Variants in NANS observed in about 807,000 individuals in gnomAD.
NANS encodes N-acetylneuraminate synthase, also known as N-acetylneuraminate-9-phosphate synthase.
In NANS, 29 loss-of-function variants were observed where a neutral mutation model predicts 33.3. The ratio of observed to expected loss-of-function variants is 0.87; its 90% CI spans 0.65 to 1.19. The LOEUF is 1.19. Ranked by LOEUF, NANS falls within the 50% of genes most tolerant of loss-of-function variation. NANS has a pLI of 0.00. For missense variants in NANS, 394 were observed against 461.1 expected (o/e 0.85, Z 1.33); for synonymous variants, 163 against 177.2 (o/e 0.92, Z 0.64).
chr9:98,077,311 T>C (rs1024351508), intron 3 of NANS, among the ~76,000 whole-genome samples: 7 of 152,032 alleles, frequency 4.6e-5, no homozygotes, highest in African/African-American at 1.4e-4. Context: ...GTAAGCTAAT[T>C]TGAAAGAAAA....
intron 2 of NANS, among the ~76,000 whole-genome samples, chr9:98,064,877 T>C (rs1829090110): frequency 6.6e-6 from 1 of 152,116 alleles, no homozygotes; most frequent in Non-Finnish European, 1.5e-5. Context: ...AGTTCAAGAC[T>C]GAAGTTGGCT....
At chr9:98,063,623 TCTCAAACTCCTGGC>T (rs1179311587) in intron 2 of NANS, among the ~76,000 whole-genome samples, 1 of 151,484 alleles carries the variant, frequency 6.6e-6, no homozygotes, top group Non-Finnish European at 1.5e-5. Flanking sequence ...CTTACTGCAG[TCTCAAACTCCTGGC>T]CTCAAGTGAT....
intron 2 of NANS, among the ~76,000 whole-genome samples, chr9:98,064,584 T>C (rs1253406556): frequency 2.0e-5 from 3 of 152,182 alleles, no homozygotes; most frequent in Non-Finnish European, 4.4e-5. Context: ...GTACACATTA[T>C]TGTTTATGAA....
intron 2 of NANS, among the ~76,000 whole-genome samples, chr9:98,070,648 G>A (rs954829776): frequency 1.3e-5 from 2 of 151,988 alleles, no homozygotes; most frequent in Non-Finnish European, 1.5e-5. Flanking sequence ...TCAAACTCCC[G>A]ACCTCAGGTG....
Position 98,082,843 on chromosome 9 carries a change from C to T in NANS, c.871-3C>T, listed in dbSNP as rs1302741269. 1 of 1,613,858 alleles carries T rather than the reference C, an allele frequency of 6.2e-7. No homozygotes were observed. The highest frequency in any genetic ancestry group is 8.5e-7 in the Non-Finnish European group (1 of 1,179,848). ...TGGCACTGAATGTTCATTTTGTCCACAGCTGGGCAAGTCTGTGGTGGCCAA... is the reference window on the plus strand; with the variant it reads ...TGGCACTGAATGTTCATTTTGTCCATAGCTGGGCAAGTCTGTGGTGGCCAA... On this transcript the variant is annotated splice_polypyrimidine_tract_variant and splice_region_variant and intron_variant, in intron 5 of 5. Coordinates refer to ENST00000210444, the MANE Select transcript of NANS (RefSeq NM_018946.4).
At chr9:98,062,721 C>T (rs952134500) in intron 2 of NANS, among the ~76,000 whole-genome samples, 1 of 150,448 alleles carries the variant, frequency 6.6e-6, no homozygotes, top group African/African-American at 2.4e-5. Flanking sequence ...TCTTTTGGTG[C>T]ATGTACTATA....
In NANS at chr9:98,056,868, C is replaced by T. The variant is rs1176046314; in HGVS notation, c.60C>T (p.Phe20=). 5.0e-6 allele frequency: 8 copies of T among 1,612,228 alleles called. No individual in the cohort carries two copies. Among genetic ancestry groups the T allele is most frequent in the Non-Finnish European group, 5.1e-6 (6 of 1,179,424 alleles). Residue 20 remains phenylalanine (F), a synonymous_variant, in exon 1 of 6, where the codon TTC becomes TTT. Transcript: ENST00000210444. ...GGGTGGGCGGGCAACACCCGTGCTT[C>T]ATCATTGCCGAGATCGGCCAGAACC... ...GRWVGGQHPC[F]IIAEIGQNHQ...
At chr9:98,064,067 A>C (rs749453321) in intron 2 of NANS, among the ~76,000 whole-genome samples, 6 of 152,204 alleles carry the variant, frequency 3.9e-5, no homozygotes, top group Non-Finnish European at 8.8e-5. Flanking sequence ...GAGTTGAAAG[A>C]AGCACACATG....
chr9:98,068,451 T>C (rs1359248573), intron 2 of NANS, among the ~76,000 whole-genome samples: 1 of 151,990 alleles, frequency 6.6e-6, no homozygotes, highest in African/African-American at 2.4e-5. Flanking sequence ...TTTAGCTTTT[T>C]TTTTTCCTTT....
intron 2 of NANS, among the ~76,000 whole-genome samples, chr9:98,063,711 A>T (rs1328549460): frequency 6.7e-6 from 1 of 149,510 alleles, no homozygotes; most frequent in East Asian, 2.0e-4. Flanking sequence ...TTGGCTAATT[A>T]AAAAAAAAAT....
At chr9:98,060,664 C>G in intron 1 of NANS, 118 bp from the exon 2 acceptor site, 1 of 1,024,606 alleles carries the variant, frequency 9.8e-7, no homozygotes, top group East Asian at 2.4e-5. Context: ...GAGCGAAACT[C>G]TGTCTCTAAA....
chr9:98,080,204 ACT>A (rs1447150306), intron 4 of NANS, among the ~76,000 whole-genome samples: 1 of 152,184 alleles, frequency 6.6e-6, no homozygotes, highest in Non-Finnish European at 1.5e-5. Flanking sequence ...ACAGAGCAAG[ACT>A]CTGTTTCAAA....
intron 1 of NANS, among the ~76,000 whole-genome samples, chr9:98,059,723 G>GTTTTTTT (rs1198179640): frequency 6.7e-6 from 1 of 149,980 alleles, no homozygotes; most frequent in African/African-American, 2.5e-5. Context: ...CCTCTTGAGT[G>GTTTTTTT]TTTTTTGTTT....
chr9:98,074,118 G>T (rs373108208), intron 2 of NANS, among the ~76,000 whole-genome samples: 296 of 152,264 alleles, frequency 1.9e-3, no homozygotes, highest in African/African-American at 6.9e-3. Flanking sequence ...GAATAAGTTT[G>T]GGAAACACTG....
chr9:98,067,034 C>G (rs1829169040), intron 2 of NANS, among the ~76,000 whole-genome samples: 1 of 152,156 alleles, frequency 6.6e-6, no homozygotes, highest in Non-Finnish European at 1.5e-5. Context: ...TCGAGCCTGA[C>G]TTCTTTCATA....
At chr9:98,067,975 G>T (rs1423102220) in intron 2 of NANS, among the ~76,000 whole-genome samples, 1 of 152,122 alleles carries the variant, frequency 6.6e-6, no homozygotes, top group African/African-American at 2.4e-5. Context: ...GCCAACCTTG[G>T]CCTCCCAAAG....
At chr9:98,059,776 C>T (rs956212595) in intron 1 of NANS, among the ~76,000 whole-genome samples, 1 of 151,760 alleles carries the variant, frequency 6.6e-6, no homozygotes, top group Non-Finnish European at 1.5e-5. Flanking sequence ...ATATTATTGC[C>T]TCTGCTCAGT....
chr9:98,074,838 T>G (rs1829510574), intron 2 of NANS: 1 of 152,188 alleles, frequency 6.6e-6, no homozygotes, highest in Non-Finnish European at 1.5e-5. Context: ...GAAAACTCAG[T>G]GGAAGGTTCC....
intron 2 of NANS, among the ~76,000 whole-genome samples, chr9:98,070,641 A>G (rs1168650006): frequency 6.6e-6 from 1 of 151,930 alleles, no homozygotes. Context: ...GCTGGTCTCA[A>G]ACTCCCGACC....
Sources: gnomAD v4.1 joint callset for allele counts (sites outside exome capture counted in the v4.1 genomes callset) on GRCh38, gnomAD v4.1.1 for gene constraint, MANE v1.5 for transcripts, NCBI Gene and HGNC (gene_info 2026-07-23, HGNC 2026-07-21) for gene names.